The following DNM1L variants were observed in gnomAD, a reference collection of about 807,000 sequenced individuals.
The protein encoded by DNM1L is dynamin-1-like protein.
Under a neutral mutation model 92.8 loss-of-function variants are expected in DNM1L, and 33 were observed. The observed-to-expected ratio is 0.36, with a 90% CI of 0.27 to 0.48. DNM1L has a LOEUF of 0.48. Ranked by LOEUF, DNM1L falls within the 20% of genes least tolerant of loss-of-function variation. The pLI, the probability that DNM1L is intolerant of heterozygous loss-of-function variation, is 0.99. For synonymous variants in DNM1L, 284 were observed against 305.0 expected, an observed-to-expected ratio of 0.93 and a Z score of 0.72; for missense variants, 485 against 888.8, an observed-to-expected ratio of 0.55 and a Z score of 5.78.
chr12:32,739,579 T>G (rs1397254508), intron 16 of DNM1L, among the ~76,000 whole-genome samples: 9 of 152,238 alleles, frequency 5.9e-5, no homozygotes, highest in Non-Finnish European at 1.0e-4. Flanking sequence ...TGTTGACTAT[T>G]AGAAATGTAA....
intron 9 of DNM1L, among the ~76,000 whole-genome samples, chr12:32,724,359 C>T (rs949960110): frequency 7.3e-5 from 11 of 151,704 alleles, no homozygotes; most frequent in African/African-American, 2.7e-4. Context: ...AGGCAGATTA[C>T]GAGGTCGAGA....
intron 15 of DNM1L, 68 bp downstream of exon 15, chr12:32,738,010 A>C: frequency 6.7e-7 from 1 of 1,482,696 alleles, no homozygotes; most frequent in Non-Finnish European, 9.4e-7. Context: ...TTCTGGAAAC[A>C]ATACACTGAA....
intron 1 of DNM1L, among the ~76,000 whole-genome samples, chr12:32,684,591 G>C (rs1196262314): frequency 1.3e-5 from 2 of 151,416 alleles, no homozygotes; most frequent in African/African-American, 4.9e-5. Flanking sequence ...TGATTCTTCT[G>C]CCTCAGCCCG....
chr12:32,682,522 T>C (rs1371006474), intron 1 of DNM1L, among the ~76,000 whole-genome samples: 1 of 152,192 alleles, frequency 6.6e-6, no homozygotes, highest in East Asian at 1.9e-4. Flanking sequence ...CATAGGTGAT[T>C]CTGATACAGA....
At chr12:32,714,540 G>A (rs1003349198) in intron 6 of DNM1L, among the ~76,000 whole-genome samples, 1 of 151,748 alleles carries the variant, frequency 6.6e-6, no homozygotes, top group Non-Finnish European at 1.5e-5. Context: ...CCAGAGTGCT[G>A]GGATTACAGG....
intron 9 of DNM1L, chr12:32,726,652 GA>G (rs1356050229): frequency 6.7e-6 from 5 of 743,334 alleles, no homozygotes; most frequent in Non-Finnish European, 1.2e-5. Context: ...GGAGGGGCAA[GA>G]AAATTAAAGA....
chr12:32,686,047 T>TC (rs1361027060), intron 1 of DNM1L, among the ~76,000 whole-genome samples: 1 of 140,328 alleles, frequency 7.1e-6, no homozygotes. Flanking sequence ...AAATTAGCCT[T>TC]TTTTTTTTTT....
intron 9 of DNM1L, among the ~76,000 whole-genome samples, chr12:32,729,419 C>T (rs1292812692): frequency 6.6e-6 from 1 of 152,096 alleles, no homozygotes; most frequent in Non-Finnish European, 1.5e-5. Context: ...ATTCCCCTCT[C>T]CTCCCTCCAG....
At chr12:32,722,118 T>C (rs10082728) in intron 8 of DNM1L, among the ~76,000 whole-genome samples, 21,471 of 152,046 alleles carry the variant, frequency 0.14, 1,557 homozygotes, top group Middle Eastern at 0.19. Context: ...ATGTTTGGCC[T>C]CTCTCCTCTC....
chr12:32,743,444 CAAAACTTGCTAG>C lies in DNM1L; in HGVS notation c.*35_*46del. 6.2e-6 allele frequency: 10 copies of C among 1,604,632 alleles called. No individual in the cohort carries two copies. The highest frequency in any genetic ancestry group is 8.5e-6 in the Non-Finnish European group (10 of 1,171,778). On this transcript the variant is annotated 3_prime_UTR_variant, in exon 20 of 20. Coordinates refer to ENST00000549701, the MANE Select transcript of DNM1L (RefSeq NM_012062.5). ...ATGTAATACTGAGACTTTGTTGACT[CAAAACTTGCTAG>C]TTACTGCCTACCTGAGTAGAATCTT...
chr12:32,738,072 AAT>A, intron 15 of DNM1L, 130 bp downstream of exon 15: 4 of 1,100,172 alleles, frequency 3.6e-6, no homozygotes, highest in South Asian at 1.4e-5. Context: ...ACTTTAGTCT[AAT>A]ATATATTTTA....
intron 1 of DNM1L, among the ~76,000 whole-genome samples, chr12:32,695,391 C>A (rs77431494): frequency 1.1e-3 from 160 of 152,192 alleles, no homozygotes; most frequent in Non-Finnish European, 2.0e-3. Context: ...AAAGGCAAGA[C>A]AGAAGACACT....
chr12:32,703,898 G>A (rs1026183873), intron 2 of DNM1L, among the ~76,000 whole-genome samples: 2 of 152,166 alleles, frequency 1.3e-5, no homozygotes, highest in East Asian at 3.8e-4. Context: ...TGAGGTGTCA[G>A]TATGTAGATT....
At position 32,705,513 on chromosome 12, in the gene DNM1L, A is replaced by T. The variant is rs1235381330; in HGVS notation, c.251-1854A>T. 19 of 257,114 alleles carry T rather than the reference A, an allele frequency of 7.4e-5. 1 individual carries two copies. The East Asian group carries it at 1.5e-3, about 21-fold the overall frequency. The allele number at this position is 257,114 out of a possible 1,614,324, so 15.9% of individuals were successfully genotyped here. A position where few individuals can be genotyped will look rare whatever the true frequency, so the allele number is the denominator to read the frequency against. On this transcript the variant is annotated intron_variant, in intron 2 of 19. Transcript: ENST00000549701. ...AACTACCTTCAGACAAGCCAGATAT[A>T]ACTAATTATATTGGAAAGGTTGTTT...
intron 18 of DNM1L, among the ~76,000 whole-genome samples, chr12:32,741,628 G>A (rs1955299723): frequency 6.6e-6 from 1 of 152,180 alleles, no homozygotes; most frequent in African/African-American, 2.4e-5. Context: ...GTATGAATCA[G>A]TATAGTCACG....
intron 2 of DNM1L, chr12:32,706,664 C>G: frequency 2.2e-6 from 1 of 455,238 alleles, no homozygotes; most frequent in Non-Finnish European, 4.4e-6. Context: ...TCCTTTTCTT[C>G]CATTTTATTT....
intron 1 of DNM1L, among the ~76,000 whole-genome samples, chr12:32,700,613 C>T (rs761875761): frequency 4.6e-5 from 7 of 151,776 alleles, no homozygotes; most frequent in Non-Finnish European, 7.4e-5. Context: ...GGTATAGTAG[C>T]GCGTGCCTGT....
At chr12:32,718,097 CTATA>C (rs1214866759) in intron 6 of DNM1L, among the ~76,000 whole-genome samples, 4 of 133,288 alleles carry the variant, frequency 3.0e-5, no homozygotes, top group Admixed American at 8.4e-5. Context: ...TATATATATA[CTATA>C]TATATTTTAT....
At chr12:32,723,482 A>G (rs1953899746) in intron 9 of DNM1L, among the ~76,000 whole-genome samples, 1 of 151,992 alleles carries the variant, frequency 6.6e-6, no homozygotes, top group Admixed American at 6.6e-5. Context: ...GAATCACCTG[A>G]CATCAGTTCA....
Sources: gnomAD v4.1 joint callset for allele counts (sites outside exome capture counted in the v4.1 genomes callset) on GRCh38, gnomAD v4.1.1 for gene constraint, MANE v1.5 for transcripts, NCBI Gene and HGNC (gene_info 2026-07-23, HGNC 2026-07-21) for gene names.